The following GRID2 variants were observed in gnomAD, a reference collection of about 807,000 sequenced individuals.
GRID2 encodes the protein glutamate ionotropic receptor delta type subunit 2.
GRID2 carries 33 observed loss-of-function variants against 114.8 expected under a neutral mutation model. That is an observed-to-expected ratio of 0.29 (90% CI 0.22 to 0.38). GRID2 has a LOEUF of 0.38. Among genes scored for constraint, GRID2 ranks in the 10% least tolerant of loss-of-function variants. The pLI is 1.00. For missense variants in GRID2, 1,184 were observed against 1,257.7 expected (o/e 0.94, Z 0.89); for synonymous variants, 505 against 449.9 (o/e 1.12, Z -1.55).
At chr4:92,723,923 T>C (rs991380680) in intron 2 of GRID2, among the ~76,000 whole-genome samples, 2 of 152,170 alleles carry the variant, frequency 1.3e-5, no homozygotes, top group Non-Finnish European at 2.9e-5. Context: ...AAATCATAAT[T>C]ATTCAAAATG....
At chr4:93,208,038 A>G (rs1002206709) in intron 5 of GRID2, among the ~76,000 whole-genome samples, 1 of 152,008 alleles carries the variant, frequency 6.6e-6, no homozygotes, top group Non-Finnish European at 1.5e-5. Flanking sequence ...AAGTTGTTCC[A>G]TTAGGACCTG....
At chr4:92,414,888 A>G (rs933658253) in intron 1 of GRID2, among the ~76,000 whole-genome samples, 26 of 152,254 alleles carry the variant, frequency 1.7e-4, no homozygotes, top group African/African-American at 6.3e-4. Flanking sequence ...TTAAAATCTT[A>G]GGAGCTGATT....
chr4:93,771,522 C>T (rs1345601942), intron 15 of GRID2, among the ~76,000 whole-genome samples: 2 of 152,136 alleles, frequency 1.3e-5, no homozygotes, highest in African/African-American at 4.8e-5. Context: ...ATTGCTCTCT[C>T]TAAACAATCG....
At chr4:93,406,886 A>G (rs1292539163) in intron 9 of GRID2, among the ~76,000 whole-genome samples, 1 of 152,270 alleles carries the variant, frequency 6.6e-6, no homozygotes, top group African/African-American at 2.4e-5. Flanking sequence ...CATAGCTGAT[A>G]TAAATTAGCA....
chr4:93,478,289 G>A (rs554683496), intron 11 of GRID2, among the ~76,000 whole-genome samples: 1 of 152,136 alleles, frequency 6.6e-6, no homozygotes, highest in Admixed American at 6.6e-5. Context: ...TTTATGTGTG[G>A]TAACCAGCAC....
chr4:93,426,382 G>A (rs1449825155), intron 10 of GRID2, among the ~76,000 whole-genome samples: 10 of 151,898 alleles, frequency 6.6e-5, no homozygotes, highest in Middle Eastern at 3.2e-3. Flanking sequence ...TAGCAATTAC[G>A]TTAAAATTAG....
At chr4:92,519,289 G>A (rs1724656766) in intron 1 of GRID2, among the ~76,000 whole-genome samples, 1 of 151,716 alleles carries the variant, frequency 6.6e-6, no homozygotes, top group Non-Finnish European at 1.5e-5. Context: ...ATTTTGCTAA[G>A]GGAGGAATTC....
intron 13 of GRID2, among the ~76,000 whole-genome samples, chr4:93,515,720 C>T (rs1729653767): frequency 6.6e-6 from 1 of 151,936 alleles, no homozygotes; most frequent in Admixed American, 6.6e-5. Flanking sequence ...TTTATAAATC[C>T]CATTCCAAAT....
chr4:92,465,946 C>G (rs1412514307), intron 1 of GRID2, among the ~76,000 whole-genome samples: 1 of 151,774 alleles, frequency 6.6e-6, no homozygotes, highest in Non-Finnish European at 1.5e-5. Flanking sequence ...CATATACAGG[C>G]AGAAGCTGAG....
At chr4:92,840,422 T>C (rs1578278026) in intron 2 of GRID2, among the ~76,000 whole-genome samples, 1 of 152,012 alleles carries the variant, frequency 6.6e-6, no homozygotes, top group Non-Finnish European at 1.5e-5. Context: ...TCTCCCCTTC[T>C]TCCTCTACTG....
At chr4:93,200,680 C>T (rs1470588109) in intron 4 of GRID2, among the ~76,000 whole-genome samples, 1 of 152,164 alleles carries the variant, frequency 6.6e-6, no homozygotes, top group African/African-American at 2.4e-5. Context: ...CTCTGTCGTG[C>T]TCTCTGTAGG....
chr4:92,673,440 T>G (rs1408859529), intron 2 of GRID2, among the ~76,000 whole-genome samples: 2 of 152,192 alleles, frequency 1.3e-5, no homozygotes, highest in Admixed American at 6.6e-5. Context: ...CTTTTAAAAT[T>G]TAATAAAATA....
chr4:92,855,653 ATAAGT>A (rs1212808378), intron 2 of GRID2, among the ~76,000 whole-genome samples: 1 of 151,990 alleles, frequency 6.6e-6, no homozygotes, highest in East Asian at 1.9e-4. Flanking sequence ...AAGGAAAGTG[ATAAGT>A]TAATATAAAT....
chr4:93,543,763 A>G (rs537113763), intron 13 of GRID2, among the ~76,000 whole-genome samples: 234 of 150,758 alleles, frequency 1.6e-3, no homozygotes, highest in African/African-American at 4.7e-3. Flanking sequence ...CACTCACTGG[A>G]TCACAGGGCA....
At chr4:92,552,581 A>G (rs935950886) in intron 1 of GRID2, among the ~76,000 whole-genome samples, 6 of 152,176 alleles carry the variant, frequency 3.9e-5, no homozygotes, top group Non-Finnish European at 7.3e-5. Flanking sequence ...TGGAGAATAT[A>G]GGAGTTTCCA....
At chr4:92,861,879 C>A (rs911592458) in intron 2 of GRID2, among the ~76,000 whole-genome samples, 4 of 151,984 alleles carry the variant, frequency 2.6e-5, no homozygotes, top group African/African-American at 9.7e-5. Flanking sequence ...GATCATCATT[C>A]TTTTTATTTA....
intron 1 of GRID2, among the ~76,000 whole-genome samples, chr4:92,556,408 A>AT (rs1293043585): frequency 6.6e-6 from 1 of 152,072 alleles, no homozygotes; most frequent in Non-Finnish European, 1.5e-5. Flanking sequence ...GTTAATTCAA[A>AT]TTTTTTTATT....
intron 12 of GRID2, among the ~76,000 whole-genome samples, chr4:93,491,845 G>C (rs1019986326): frequency 6.6e-6 from 1 of 151,666 alleles, no homozygotes. Context: ...AATAAATAGG[G>C]TATTATTTTC....
At chr4:93,277,993 A>C (rs1206321052) in intron 8 of GRID2, among the ~76,000 whole-genome samples, 3 of 152,120 alleles carry the variant, frequency 2.0e-5, no homozygotes, top group African/African-American at 7.2e-5. Flanking sequence ...AGAAAAGACA[A>C]GGGATTTGAG....
Sources: allele counts gnomAD v4.1 joint callset (sites outside exome capture counted in the v4.1 genomes callset), GRCh38; gene constraint gnomAD v4.1.1; transcripts MANE v1.5; gene names NCBI Gene and HGNC (gene_info 2026-07-23, HGNC 2026-07-21).